Variants in BNC2 observed in about 807,000 individuals in gnomAD.
The protein encoded by BNC2 is basonuclin zinc finger protein 2.
BNC2 carries 20 observed loss-of-function variants against 76.3 expected under a neutral mutation model. The ratio of observed to expected loss-of-function variants is 0.26; its 90% CI spans 0.18 to 0.38. The LOEUF (loss-of-function observed/expected upper bound fraction) is 0.38, where lower values mean the gene tolerates loss of function less well. BNC2 is among the 10% of genes least tolerant of loss of function. The pLI is 1.00. For synonymous variants in BNC2, 582 were observed against 514.8 expected (o/e 1.13, Z -1.77); for missense variants, 1,382 against 1,399.8 (o/e 0.99, Z 0.20).
intron 5 of BNC2, among the ~76,000 whole-genome samples, chr9:16,471,450 T>C (rs1821822987): frequency 6.6e-6 from 1 of 152,026 alleles, no homozygotes. Context: ...TGCACCACCA[T>C]GCCCAGCTGA....
chr9:16,820,271 C>T (rs541125683), intron 1 of BNC2, among the ~76,000 whole-genome samples: 6 of 151,122 alleles, frequency 4.0e-5, no homozygotes, highest in Non-Finnish European at 5.9e-5. Context: ...ACCAAATATA[C>T]AAAAATTAGC....
intron 3 of BNC2, among the ~76,000 whole-genome samples, chr9:16,602,971 A>C (rs531441390): frequency 6.6e-6 from 1 of 152,364 alleles, no homozygotes; most frequent in Admixed American, 6.5e-5. Flanking sequence ...TGTATATATT[A>C]AAAGCATTCT....
intron 1 of BNC2, among the ~76,000 whole-genome samples, chr9:16,797,353 A>G (rs1163404598): frequency 1.3e-5 from 2 of 152,284 alleles, no homozygotes; most frequent in East Asian, 3.9e-4. Context: ...TGTAGATTAA[A>G]TGAGCTCCTC....
In BNC2 at chr9:16,832,887, A is replaced by C. The variant is rs1818614250; in HGVS notation, c.3+37759T>G. On this transcript the variant is annotated intron_variant, in intron 1 of 6. Transcript: ENST00000380672. ...ACTACAGGCACGCACCACCATAACC[A>C]GCTAATTTTTCTATTTTTAGTAGAG... 2.0e-5 allele frequency among the ~76,000 whole-genome samples: 3 copies of C among 151,778 alleles called. No individual in the cohort carries two copies. The South Asian group carries it at 6.3e-4, about 32-fold the overall frequency.
rs71327860 is a variant in BNC2 at position 16,793,648 on chromosome 9, C to CTTTTTT, written c.4-55169_4-55164dup. On this transcript the variant is annotated intron_variant, in intron 1 of 6. Coordinates refer to ENST00000380672, the MANE Select transcript of BNC2 (RefSeq NM_017637.6). Reference sequence around the variant, plus strand: ...CCAAAGGGGTACTTGCCTTCCACATCTTTTTTTTTTTTTTTTTTTTTTTTT... The same window carrying CTTTTTT: ...CCAAAGGGGTACTTGCCTTCCACATCTTTTTTTTTTTTTTTTTTTTTTTTTTTTTTT... Among the ~76,000 whole-genome samples the CTTTTTT allele has an allele frequency of 1.0e-3, 58 of 55,822 alleles. 1 individual carries two copies. The highest frequency in any genetic ancestry group is 2.0e-3 in the African/African-American group (37 of 18,176). 36.6% of individuals were successfully genotyped at this position (55,822 alleles called of 152,430 possible).
At chr9:16,618,503 T>A (rs1483048119) in intron 3 of BNC2, among the ~76,000 whole-genome samples, 3 of 152,128 alleles carry the variant, frequency 2.0e-5, no homozygotes, top group African/African-American at 7.2e-5. Context: ...CTCCCTTTAT[T>A]TACAGAATGC....
intron 1 of BNC2, among the ~76,000 whole-genome samples, chr9:16,744,519 ACG>A (rs1158169745): frequency 1.3e-5 from 2 of 152,190 alleles, no homozygotes; most frequent in African/African-American, 2.4e-5. Context: ...ACTATAAAAG[ACG>A]CAGTCTCTGA....
intron 3 of BNC2, among the ~76,000 whole-genome samples, chr9:16,719,558 T>C (rs1036785756): frequency 1.3e-5 from 2 of 152,130 alleles, no homozygotes; most frequent in Admixed American, 1.3e-4. Flanking sequence ...AAAGACACCT[T>C]AATAAAGTTG....
chr9:16,659,480 T>A (rs550736064), intron 3 of BNC2, among the ~76,000 whole-genome samples: 1 of 151,924 alleles, frequency 6.6e-6, no homozygotes, highest in Non-Finnish European at 1.5e-5. Context: ...TGGTGGTGCA[T>A]GCCTGTAATC....
intron 1 of BNC2, among the ~76,000 whole-genome samples, chr9:16,807,491 A>C (rs560962408): frequency 8.5e-5 from 13 of 152,344 alleles, no homozygotes; most frequent in African/African-American, 3.1e-4. Flanking sequence ...CAATTAAAAA[A>C]GATGGAAGTT....
In BNC2 at chr9:16,409,623, A is replaced by C. The variant is rs1820419242; in HGVS notation, c.*9366T>G. ...ACATCCCCAAACCCTTATGCATTTT[A>C]TGCAAAAGACATACTGTAGGCAGTT... On this transcript the variant is annotated 3_prime_UTR_variant, in exon 7 of 7. Coordinates refer to ENST00000380672, the MANE Select transcript of BNC2 (RefSeq NM_017637.6). 1 of 152,696 alleles carries C rather than the reference A, an allele frequency of 6.5e-6. No individual in the cohort carries two copies. The highest frequency in any genetic ancestry group is 2.1e-4 in the South Asian group (1 of 4,836). The allele number at this position is 152,696 out of a possible 1,614,324, so 9.5% of individuals were successfully genotyped here. A position where few individuals can be genotyped will look rare whatever the true frequency, so the allele number is the denominator to read the frequency against.
intron 5 of BNC2, among the ~76,000 whole-genome samples, chr9:16,491,063 G>C (rs534764901): frequency 6.6e-6 from 1 of 152,320 alleles, no homozygotes; most frequent in African/African-American, 2.4e-5. Context: ...CAGACAACGT[G>C]ATTGTGGTGG....
intron 1 of BNC2, among the ~76,000 whole-genome samples, chr9:16,819,517 G>C (rs1818264573): frequency 6.6e-6 from 1 of 152,092 alleles, no homozygotes; most frequent in Middle Eastern, 3.4e-3. Flanking sequence ...ACAAAAATTA[G>C]CCAGGTGTGG....
At chr9:16,561,035 T>G (rs1420778360) in intron 4 of BNC2, among the ~76,000 whole-genome samples, 1 of 151,990 alleles carries the variant, frequency 6.6e-6, no homozygotes, top group East Asian at 1.9e-4. Context: ...GGTCAGGAGT[T>G]TGTGACCAGC....
chr9:16,655,309 A>G (rs1216177033), intron 3 of BNC2, among the ~76,000 whole-genome samples: 1 of 152,160 alleles, frequency 6.6e-6, no homozygotes, highest in East Asian at 1.9e-4. Flanking sequence ...AAAAGCAAAT[A>G]TGGGGGGACA....
intron 3 of BNC2, among the ~76,000 whole-genome samples, chr9:16,647,712 T>G (rs2133916243): frequency 6.6e-6 from 1 of 152,226 alleles, no homozygotes; most frequent in South Asian, 2.1e-4. Context: ...ATATAAGAGA[T>G]TCATCAATAT....
intron 1 of BNC2, among the ~76,000 whole-genome samples, chr9:16,784,855 G>C (rs1011129627): frequency 3.3e-5 from 5 of 152,180 alleles, no homozygotes; most frequent in African/African-American, 9.6e-5. Flanking sequence ...TTTCTTTTAA[G>C]GAGAGGACTG....
chr9:16,677,792 A>G (rs1270193469), intron 3 of BNC2, among the ~76,000 whole-genome samples: 1 of 152,190 alleles, frequency 6.6e-6, no homozygotes, highest in Non-Finnish European at 1.5e-5. Context: ...GGTCCAGGGA[A>G]GAGGATAACT....
chr9:16,820,585 A>T (rs1368560013), intron 1 of BNC2, among the ~76,000 whole-genome samples: 1 of 152,182 alleles, frequency 6.6e-6, no homozygotes, highest in African/African-American at 2.4e-5. Context: ...AGCCACCAGG[A>T]AAAGGTACTT....
Sources: allele counts gnomAD v4.1 joint callset (sites outside exome capture counted in the v4.1 genomes callset), GRCh38; gene constraint gnomAD v4.1.1; transcripts MANE v1.5; gene names NCBI Gene and HGNC (gene_info 2026-07-23, HGNC 2026-07-21).